The following LAMA2 variants were observed in gnomAD, a reference collection of about 807,000 sequenced individuals.
The protein encoded by LAMA2 is laminin subunit alpha-2.
Under a neutral mutation model 364.8 loss-of-function variants are expected in LAMA2, and 269 were observed. The observed-to-expected ratio is 0.74, with a 90% CI of 0.67 to 0.82. The LOEUF (loss-of-function observed/expected upper bound fraction) is 0.82, where lower values mean the gene tolerates loss of function less well. Ranked by LOEUF, LAMA2 falls within the 40% of genes least tolerant of loss-of-function variation. The pLI is 0.00. For synonymous variants in LAMA2, 1,379 were observed against 1,370.6 expected, an observed-to-expected ratio of 1.01 and a Z score of -0.14; for missense variants, 3,807 against 3,873.2, an observed-to-expected ratio of 0.98 and a Z score of 0.45.
chr6:128,952,176 A>T (rs1415544112), intron 1 of LAMA2, among the ~76,000 whole-genome samples: 1 of 152,198 alleles, frequency 6.6e-6, no homozygotes, highest in Non-Finnish European at 1.5e-5. Context: ...TGAAAAAAGA[A>T]AACAAAAACA....
intron 12 of LAMA2, among the ~76,000 whole-genome samples, chr6:129,210,134 C>A (rs1782999862): frequency 1.3e-5 from 2 of 151,634 alleles, no homozygotes; most frequent in Non-Finnish European, 2.9e-5. Flanking sequence ...ATTTGGGGGG[C>A]ACTCTTTTAT....
intron 10 of LAMA2, among the ~76,000 whole-genome samples, chr6:129,179,936 A>G (rs1429171641): frequency 2.6e-5 from 4 of 152,170 alleles, no homozygotes; most frequent in Non-Finnish European, 4.4e-5. Flanking sequence ...TGTGCATGCA[A>G]TGTACTACAA....
chr6:129,336,117 A>G (rs1583522684), intron 29 of LAMA2, among the ~76,000 whole-genome samples: 1 of 152,188 alleles, frequency 6.6e-6, no homozygotes, highest in Admixed American at 6.5e-5. Flanking sequence ...TACTTAACAA[A>G]TATCTGTCAA....
At chr6:129,206,065 G>GGGAAA (rs200701932) in intron 12 of LAMA2, among the ~76,000 whole-genome samples, 1 of 111,666 alleles carries the variant, frequency 9.0e-6, no homozygotes, top group African/African-American at 3.7e-5. Context: ...GGGAAGGGAA[G>GGGAAA]GGAAAGGAAA....
At chr6:129,340,830 C>CAAAAAAAAAA (rs34264921) in intron 29 of LAMA2, among the ~76,000 whole-genome samples, 3 of 59,586 alleles carry the variant, frequency 5.0e-5, no homozygotes, top group Non-Finnish European at 7.2e-5. Flanking sequence ...AGCTCTGTCT[C>CAAAAAAAAAA]AAAAAAAAAA....
At chr6:128,986,037 A>G (rs1172859605) in intron 1 of LAMA2, among the ~76,000 whole-genome samples, 1 of 152,158 alleles carries the variant, frequency 6.6e-6, no homozygotes, top group African/African-American at 2.4e-5. Flanking sequence ...AGAAAAAATG[A>G]GTTGGTTTAC....
intron 3 of LAMA2, among the ~76,000 whole-genome samples, chr6:129,078,869 G>A (rs747490361): frequency 2.6e-5 from 4 of 152,244 alleles, no homozygotes; most frequent in African/African-American, 7.2e-5. Context: ...TTCTGGGCAC[G>A]TCATATAAGT....
intron 1 of LAMA2, among the ~76,000 whole-genome samples, chr6:129,045,883 C>G (rs562202951): frequency 6.6e-6 from 1 of 152,228 alleles, no homozygotes; most frequent in East Asian, 1.9e-4. Flanking sequence ...ACCTGCAAAA[C>G]AGGAATGAGG....
chr6:129,076,502 TATATA>T, intron 3 of LAMA2, among the ~76,000 whole-genome samples: 1 of 11,556 alleles, frequency 8.7e-5, no homozygotes, highest in East Asian at 4.3e-3. Flanking sequence ...TATATATAAA[TATATA>T]TATATAATAT....
chr6:129,383,146 G>A lies in LAMA2; in HGVS notation c.4984G>A (p.Glu1662Lys). 4.3e-6 allele frequency: 7 copies of A among 1,613,818 alleles called. No homozygotes were observed. The highest frequency in any genetic ancestry group is 2.2e-5 in the East Asian group (1 of 44,866). The change falls in exon 35 of 65, where the codon GAG becomes AAG. Residue 1662 changes from glutamate to lysine, a missense_variant. This residue lies in a region of LAMA2 where 3,333 missense variants were observed against 3,345.7 expected (regional missense o/e 1.00). Transcript: ENST00000421865. ...TRATKVTADG[E>K]QTGQDAERTN... ...GGCTACCAAAGTGACAGCAGATGGC[G>A]AGCAGACCGGACAGGATGCTGAGAG...
chr6:129,381,336 T>TTTTTC (rs1554284415), intron 34 of LAMA2, among the ~76,000 whole-genome samples: 1 of 151,750 alleles, frequency 6.6e-6, no homozygotes, highest in African/African-American at 2.4e-5. Flanking sequence ...AACATCTTTT[T>TTTTTC]TTTTCTTTTC....
intron 3 of LAMA2, among the ~76,000 whole-genome samples, chr6:129,069,334 C>A (rs1773148257): frequency 1.3e-5 from 2 of 150,212 alleles, no homozygotes; most frequent in Non-Finnish European, 3.0e-5. Flanking sequence ...CAATTTTATT[C>A]TTAGAGTTTA....
intron 12 of LAMA2, among the ~76,000 whole-genome samples, chr6:129,201,056 A>G (rs1329850042): frequency 6.6e-6 from 1 of 152,146 alleles, no homozygotes; most frequent in African/African-American, 2.4e-5. Context: ...TACCTTAAAC[A>G]ACAACAAAGC....
intron 17 of LAMA2, among the ~76,000 whole-genome samples, chr6:129,272,591 T>C (rs1208864376): frequency 6.6e-6 from 1 of 152,176 alleles, no homozygotes; most frequent in Non-Finnish European, 1.5e-5. Context: ...TTTTAAGTGA[T>C]AACACTAAAA....
intron 1 of LAMA2, among the ~76,000 whole-genome samples, chr6:128,930,663 C>T (rs1273788656): frequency 6.6e-6 from 1 of 152,166 alleles, no homozygotes; most frequent in Non-Finnish European, 1.5e-5. Context: ...TATACAGCAT[C>T]CTAGCCTGTC....
intron 4 of LAMA2, among the ~76,000 whole-genome samples, chr6:129,099,438 A>G (rs1775392045): frequency 6.6e-6 from 1 of 152,006 alleles, no homozygotes; most frequent in South Asian, 2.1e-4. Context: ...CTCTTGAATT[A>G]TTCAATATTT....
chr6:129,262,932 A>T (rs765390059), intron 15 of LAMA2, among the ~76,000 whole-genome samples: 17 of 152,140 alleles, frequency 1.1e-4, no homozygotes, highest in Non-Finnish European at 2.1e-4. Context: ...CATAGTGTTG[A>T]TTCAGGATCT....
chr6:129,475,207 C>T (rs1000159613), intron 52 of LAMA2, among the ~76,000 whole-genome samples, 183 bp from the exon 53 acceptor site: 9 of 151,744 alleles, frequency 5.9e-5, no homozygotes, highest in Non-Finnish European at 8.8e-5. Flanking sequence ...ATTTCACTGC[C>T]GTCAAGGGTA....
chr6:128,967,005 G>T (rs929441873), intron 1 of LAMA2, among the ~76,000 whole-genome samples: 14 of 152,090 alleles, frequency 9.2e-5, no homozygotes, highest in Non-Finnish European at 1.0e-4. Flanking sequence ...TCAAGTGTAG[G>T]TGGGAAAAAG....
Sources: allele counts gnomAD v4.1 joint callset (sites outside exome capture counted in the v4.1 genomes callset), GRCh38; gene constraint gnomAD v4.1.1; regional missense constraint gnomAD v4.1.1; transcripts MANE v1.5; gene names NCBI Gene and HGNC (gene_info 2026-07-23, HGNC 2026-07-21).